Variants in CEMIP observed in about 807,000 individuals in gnomAD.
The protein encoded by CEMIP is cell migration inducing hyaluronidase 1.
In CEMIP, 105 loss-of-function variants were observed where a neutral mutation model predicts 156.9. That is an observed-to-expected ratio of 0.67 (90% CI 0.57 to 0.79). The LOEUF (loss-of-function observed/expected upper bound fraction) is 0.79, where lower values mean the gene tolerates loss of function less well. Among genes scored for constraint, CEMIP ranks in the 30% least tolerant of loss-of-function variants. The probability of loss-of-function intolerance (pLI) is 0.00; values close to 1 mark genes in which losing one functional copy is unlikely to be tolerated. For missense variants in CEMIP, 1,457 were observed against 1,769.4 expected (o/e 0.82, Z 3.17); for synonymous variants, 676 against 668.4 (o/e 1.01, Z -0.17).
At chr15:80,883,942 T>A (rs1249126045) in intron 6 of CEMIP, among the ~76,000 whole-genome samples, 3 of 152,260 alleles carry the variant, frequency 2.0e-5, no homozygotes, top group Admixed American at 6.5e-5. Context: ...GGCATTTTAC[T>A]CAGCGAATGA....
Position 80,906,923 on chromosome 15 carries a change from A to AT in CEMIP, c.1587+86dup. 1 of 1,442,258 alleles carries AT rather than the reference A, an allele frequency of 6.9e-7. No individual in the cohort carries two copies. Among genetic ancestry groups the AT allele is most frequent in the Non-Finnish European group, 9.5e-7 (1 of 1,048,730 alleles). 89.3% of individuals were successfully genotyped at this position (1,442,258 alleles called of 1,614,324 possible). On this transcript the variant is annotated intron_variant, in intron 13 of 29. Transcript: ENST00000394685. This position sits in a 1 kb window ranked among gnomAD's most constrained non-coding sequence, Gnocchi z 4.3. ...CTCTAGACGGGCCTTCTTGGTAGGG[A>AT]TGAGGGTGGGGGAACAGGAGGTGGG...
intron 22 of CEMIP, 41 bp from the exon 23 acceptor site, chr15:80,933,204 T>C: frequency 6.4e-7 from 1 of 1,565,104 alleles, no homozygotes; most frequent in Admixed American, 1.7e-5. Context: ...CAGTTTCCCT[T>C]CACCTTCTAG....
chr15:80,882,557 C>G (rs1185159420), intron 6 of CEMIP, among the ~76,000 whole-genome samples: 2 of 152,210 alleles, frequency 1.3e-5, no homozygotes, highest in African/African-American at 4.8e-5. Flanking sequence ...TTAAGTACAA[C>G]AGTGTTACTT....
rs57724852 is a variant in CEMIP at position 80,900,585 on chromosome 15, G to GGTGTGTGTGTGTGTGTGT, written c.1411+4572_1411+4589dup. 1.9e-3 allele frequency among the ~76,000 whole-genome samples: 146 copies of GGTGTGTGTGTGTGTGTGT among 74,926 alleles called. 4 individuals are homozygous for GGTGTGTGTGTGTGTGTGT. The highest frequency in any genetic ancestry group is 5.4e-3 in the East Asian group (10 of 1,864). 49.2% of individuals were successfully genotyped at this position (74,926 alleles called of 152,430 possible). On this transcript the variant is annotated intron_variant, in intron 12 of 29. Coordinates refer to ENST00000394685, the MANE Select transcript of CEMIP (RefSeq NM_001293298.2). ...CAGCACCAGAAAAGCCCCAGGTAGG[G>GGTGTGTGTGTGTGTGTGT]GTGTGTGTGTGTGTGTGTGTGTGTG...
chr15:80,915,595 C>G (rs1289731055), intron 14 of CEMIP, among the ~76,000 whole-genome samples: 1 of 152,084 alleles, frequency 6.6e-6, no homozygotes, highest in Non-Finnish European at 1.5e-5. Context: ...CATTACAGAT[C>G]AGCACCGAAA....
intron 1 of CEMIP, among the ~76,000 whole-genome samples, chr15:80,826,027 A>T (rs1031063408): frequency 2.0e-5 from 3 of 152,190 alleles, no homozygotes; most frequent in African/African-American, 7.2e-5. Flanking sequence ...GTTACTTAGG[A>T]ACTTCACCAT....
chr15:80,941,653 C>T (rs534345473), intron 25 of CEMIP, among the ~76,000 whole-genome samples, 196 bp from the exon 26 acceptor site: 11 of 152,198 alleles, frequency 7.2e-5, no homozygotes, highest in Admixed American at 1.3e-4. Flanking sequence ...TTGCCATTCT[C>T]ATTAGCTTTT....
At chr15:80,896,894 G>A (rs927813438) in intron 12 of CEMIP, among the ~76,000 whole-genome samples, 3 of 152,182 alleles carry the variant, frequency 2.0e-5, no homozygotes, top group African/African-American at 7.2e-5. Context: ...TGGGTAGCAG[G>A]AACTAATGGA....
At chr15:80,807,684 G>C (rs575810615) in intron 1 of CEMIP, among the ~76,000 whole-genome samples, 1 of 152,362 alleles carries the variant, frequency 6.6e-6, no homozygotes, top group South Asian at 2.1e-4. Flanking sequence ...AGACATCATA[G>C]CTAAAGGCTG....
chr15:80,830,817 G>C (rs187693881), intron 1 of CEMIP, among the ~76,000 whole-genome samples: 120 of 152,148 alleles, frequency 7.9e-4, no homozygotes, highest in African/African-American at 2.7e-3. Context: ...TCAAGCTGTG[G>C]TTCTGCTACC....
At chr15:80,897,614 T>C (rs138276886) in intron 12 of CEMIP, among the ~76,000 whole-genome samples, 194 of 152,296 alleles carry the variant, frequency 1.3e-3, no homozygotes, top group African/African-American at 4.3e-3. Flanking sequence ...CATTTGTTCC[T>C]TGACAAAGTA....
In CEMIP at chr15:80,941,610, C is replaced by T. The variant is rs115555891; in HGVS notation, c.3408-239C>T. Among the ~76,000 whole-genome samples the T allele has an allele frequency of 2.8e-3, 422 of 152,318 alleles. 6 individuals carry two copies. The highest frequency in any genetic ancestry group is 0.013 in the South Asian group (64 of 4,828). On this transcript the variant is annotated intron_variant, in intron 25 of 29. Coordinates refer to ENST00000394685, the MANE Select transcript of CEMIP (RefSeq NM_001293298.2). ...GATATGTCGATTTACGATGTGTGCACGGCGTGGCACATAGAACGTGCTCAG... is the reference window on the plus strand; with the variant it reads ...GATATGTCGATTTACGATGTGTGCATGGCGTGGCACATAGAACGTGCTCAG...
intron 28 of CEMIP, chr15:80,946,388 C>T (rs1014113288): frequency 2.6e-5 from 4 of 155,018 alleles, no homozygotes; most frequent in African/African-American, 9.6e-5. Flanking sequence ...TGGAGGAATT[C>T]TGTGGTTCTA....
rs528884257 is a variant in CEMIP at position 80,808,562 on chromosome 15, A to C, written c.-176+28948A>C. ...GCATCATCACAGATGAATAAATTAT[A>C]TGAAAAACAACAAACAAAACTTAGG... On this transcript the variant is annotated intron_variant, in intron 1 of 29. Transcript: ENST00000394685. Among the ~76,000 whole-genome samples, 3 of 152,326 alleles carry C rather than the reference A, an allele frequency of 2.0e-5. No individual in the cohort carries two copies. In the East Asian group the frequency reaches 5.8e-4, roughly 29 times the overall value.
chr15:80,837,361 CA>C (rs1369045903), intron 1 of CEMIP, among the ~76,000 whole-genome samples: 6 of 152,098 alleles, frequency 3.9e-5, no homozygotes, highest in African/African-American at 1.2e-4. Context: ...ATCAGGTAAG[CA>C]GAGGGTTTCC....
chr15:80,925,274 A>G (rs1900615184), intron 18 of CEMIP, among the ~76,000 whole-genome samples: 1 of 152,222 alleles, frequency 6.6e-6, no homozygotes, highest in Admixed American at 6.5e-5. Flanking sequence ...GTGACCTGCC[A>G]GTTAGTGGAA....
chr15:80,857,114 C>G (rs898997234), intron 1 of CEMIP, among the ~76,000 whole-genome samples: 3 of 152,252 alleles, frequency 2.0e-5, no homozygotes, highest in African/African-American at 7.2e-5. Flanking sequence ...GCTCTTTCGA[C>G]TCCACTCTGG....
At chr15:80,781,390 C>G (rs905612419) in intron 1 of CEMIP, among the ~76,000 whole-genome samples, 3 of 152,184 alleles carry the variant, frequency 2.0e-5, no homozygotes, top group Admixed American at 2.0e-4. Context: ...AAAGCAATTT[C>G]CAAAGGCTCC....
intron 1 of CEMIP, among the ~76,000 whole-genome samples, chr15:80,851,250 G>A (rs752850187): frequency 1.3e-5 from 2 of 152,178 alleles, no homozygotes; most frequent in African/African-American, 4.8e-5. Context: ...GCAAACAAAG[G>A]GTGAACAGGA....
Sources: gnomAD v4.1 joint callset for allele counts (sites outside exome capture counted in the v4.1 genomes callset) on GRCh38, gnomAD v4.1.1 for gene constraint, Gnocchi (gnomAD v3.1) non-coding constraint, MANE v1.5 for transcripts, NCBI Gene and HGNC (gene_info 2026-07-23, HGNC 2026-07-21) for gene names.